SHC3: variants seen among roughly 807,000 people sequenced by gnomAD.
The protein encoded by SHC3 is SHC-transforming protein 3.
SHC3 carries 15 observed loss-of-function variants against 60.4 expected under a neutral mutation model. The ratio of observed to expected loss-of-function variants is 0.25; its 90% CI spans 0.17 to 0.38. SHC3 has a LOEUF of 0.38. Ranked by LOEUF, SHC3 falls within the 10% of genes least tolerant of loss-of-function variation. SHC3 has a pLI of 1.00. For synonymous variants in SHC3, 294 were observed against 325.9 expected (o/e 0.90, Z 1.05); for missense variants, 677 against 786.1 (o/e 0.86, Z 1.66).
chr9:89,167,371 A>G (rs1826804436), intron 1 of SHC3, among the ~76,000 whole-genome samples: 2 of 152,238 alleles, frequency 1.3e-5, no homozygotes, highest in South Asian at 2.1e-4. Context: ...CAGTTTCTCT[A>G]TCCCAGAGAC....
intron 1 of SHC3, among the ~76,000 whole-genome samples, chr9:89,140,333 A>AT (rs200449962): frequency 0.024 from 3,584 of 151,488 alleles, 63 homozygotes; most frequent in Non-Finnish European, 0.035. Context: ...AGGCAAACAG[A>AT]TTCCCCCCCC....
chr9:89,178,565 G>T lies in SHC3; in HGVS notation c.-105C>A. 8.6e-7 allele frequency: 1 copy of T among 1,168,384 alleles called. No homozygotes were observed. Among genetic ancestry groups the T allele is most frequent in the Non-Finnish European group, 1.1e-6 (1 of 872,308 alleles). The allele number at this position is 1,168,384 out of a possible 1,614,324, so 72.4% of individuals were successfully genotyped here. The stretch of plus-strand genomic sequence containing the variant: ...GCCACTGTCCCCGGAGCGGGACGGA[G>T]AGTGGGGGCCCCGGGACAGCCTTCT... On this transcript the variant is annotated 5_prime_UTR_variant, in exon 1 of 12. Transcript: ENST00000375835. The surrounding 1 kb of genome is among the most constrained non-coding windows in gnomAD (Gnocchi z 6.9).
chr9:89,122,007 G>C (rs931414825), intron 1 of SHC3, among the ~76,000 whole-genome samples: 6 of 152,108 alleles, frequency 3.9e-5, no homozygotes, highest in Admixed American at 3.9e-4. Flanking sequence ...GCTCTCCTTG[G>C]AGAATAAATT....
At chr9:89,095,928 G>C (rs1825694894) in intron 2 of SHC3, among the ~76,000 whole-genome samples, 1 of 152,150 alleles carries the variant, frequency 6.6e-6, no homozygotes, top group African/African-American at 2.4e-5. Flanking sequence ...AAACCTGGAT[G>C]ATAACATGTT....
chr9:89,139,300 G>T (rs1255928661), intron 1 of SHC3, among the ~76,000 whole-genome samples: 1 of 152,152 alleles, frequency 6.6e-6, no homozygotes, highest in Non-Finnish European at 1.5e-5. Flanking sequence ...AATAACAAGT[G>T]TACCATAGTT....
At chr9:89,153,012 G>A (rs572191428) in intron 1 of SHC3, among the ~76,000 whole-genome samples, 218 of 152,232 alleles carry the variant, frequency 1.4e-3, no homozygotes, top group African/African-American at 5.0e-3. Context: ...CAGGGGGTGG[G>A]ACTGGAAATT....
In SHC3 at chr9:89,042,108, G is replaced by A; in HGVS notation, c.1278C>T (p.Asn426=). The change falls in exon 10 of 12, where the codon AAC becomes AAT. Residue 426 remains asparagine (N), a synonymous_variant. Transcript: ENST00000375835. ...APTGEAPTYV[N]TQQIPPQAWP... ...AGGCCTGTGGTGGGATCTGCTGAGT[G>A]TTGACGTAGGTGGGTGCTTCTCCCG... The A allele has an allele frequency of 6.3e-7, 1 of 1,590,058 alleles. No homozygotes were observed. Among genetic ancestry groups the A allele is most frequent in the South Asian group, 1.2e-5 (1 of 86,478 alleles).
chr9:89,137,440 A>G (rs1826334700), intron 1 of SHC3, among the ~76,000 whole-genome samples: 2 of 152,152 alleles, frequency 1.3e-5, no homozygotes, highest in African/African-American at 2.4e-5. Context: ...TCCAATTAGG[A>G]CATCCAAAAA....
At chr9:89,126,800 T>C (rs1181557446) in intron 1 of SHC3, among the ~76,000 whole-genome samples, 1 of 152,214 alleles carries the variant, frequency 6.6e-6, no homozygotes, top group African/African-American at 2.4e-5. Context: ...TAAGCTGTCA[T>C]GAATCTGTTA....
At chr9:89,118,867 A>T (rs1480657421) in intron 1 of SHC3, among the ~76,000 whole-genome samples, 2 of 152,212 alleles carry the variant, frequency 1.3e-5, no homozygotes, top group Non-Finnish European at 2.9e-5. Flanking sequence ...CAATGAATAC[A>T]AAGAAGAGGA....
In SHC3 at chr9:89,049,030, G is replaced by A. The variant is rs529417597; in HGVS notation, c.963-2036C>T. On this transcript the variant is annotated intron_variant, in intron 7 of 11. Transcript: ENST00000375835. ...TAATCCCAGCACTTTGGGAGGCCGA[G>A]AGGGGCGGATCACGAGGTCAGGAGA... 1.3e-4 allele frequency among the ~76,000 whole-genome samples: 20 copies of A among 152,314 alleles called. No individual in the cohort carries two copies. In the South Asian group the frequency reaches 3.7e-3, roughly 28 times the overall value.
At chr9:89,143,425 T>C (rs891533660) in intron 1 of SHC3, among the ~76,000 whole-genome samples, 1 of 152,120 alleles carries the variant, frequency 6.6e-6, no homozygotes, top group African/African-American at 2.4e-5. Flanking sequence ...TATCTCATCC[T>C]GTGACTTAGA....
At chr9:89,059,133 T>TGC (rs1825014512) in intron 6 of SHC3, among the ~76,000 whole-genome samples, 1 of 103,400 alleles carries the variant, frequency 9.7e-6, no homozygotes, top group Admixed American at 1.0e-4. Context: ...TGGAGGACGG[T>TGC]GGTGGAGGAT....
chr9:89,006,828 C>G lies in SHC3; in HGVS notation c.*6619G>C, dbSNP rs1211595503. ...ACACATAGCTGTTAACAAAATTAAC[C>G]CCATTAATATTTAAAGACGGATTTA... On this transcript the variant is annotated 3_prime_UTR_variant, in exon 12 of 12. Coordinates refer to ENST00000375835, the MANE Select transcript of SHC3 (RefSeq NM_016848.6). The G allele has an allele frequency of 6.6e-6, 1 of 152,140 alleles. No homozygotes were observed. Among genetic ancestry groups the G allele is most frequent in the Non-Finnish European group, 1.5e-5 (1 of 68,024 alleles). 9.4% of individuals were successfully genotyped at this position (152,140 alleles called of 1,614,324 possible).
intron 2 of SHC3, among the ~76,000 whole-genome samples, chr9:89,089,265 T>C (rs1825582509): frequency 6.6e-6 from 1 of 152,148 alleles, no homozygotes; most frequent in African/African-American, 2.4e-5. Flanking sequence ...CTGATAGAAT[T>C]GGAGGAAGAG....
At chr9:89,030,449 A>T (rs772456040) in intron 11 of SHC3, among the ~76,000 whole-genome samples, 3 of 152,224 alleles carry the variant, frequency 2.0e-5, no homozygotes, top group Non-Finnish European at 4.4e-5. Flanking sequence ...TACTTAGGTA[A>T]AATGGACAAA....
At chr9:89,066,859 G>T (rs1286819469) in intron 5 of SHC3, among the ~76,000 whole-genome samples, 2 of 152,140 alleles carry the variant, frequency 1.3e-5, no homozygotes, top group Non-Finnish European at 2.9e-5. Context: ...GGGAGAGAAT[G>T]AGTATGGGGT....
At chr9:89,088,110 C>A (rs1825562106) in intron 2 of SHC3, among the ~76,000 whole-genome samples, 1 of 152,126 alleles carries the variant, frequency 6.6e-6, no homozygotes, top group Non-Finnish European at 1.5e-5. Flanking sequence ...GGTTAAGAGA[C>A]CTTTACTATC....
intron 1 of SHC3, among the ~76,000 whole-genome samples, chr9:89,140,025 C>T (rs1826370328): frequency 6.6e-6 from 1 of 151,944 alleles, no homozygotes; most frequent in African/African-American, 2.4e-5. Flanking sequence ...TTAATTTTAC[C>T]AATAATTTTT....
Sources: allele counts gnomAD v4.1 joint callset (sites outside exome capture counted in the v4.1 genomes callset), GRCh38; gene constraint gnomAD v4.1.1; non-coding constraint Gnocchi (gnomAD v3.1); transcripts MANE v1.5; gene names NCBI Gene and HGNC (gene_info 2026-07-23, HGNC 2026-07-21).